The following MSRB3 variants were observed in gnomAD, a reference collection of about 807,000 sequenced individuals.
MSRB3 encodes the protein methionine sulfoxide reductase B3, also known as methionine-R-sulfoxide reductase B3.
MSRB3 carries 13 observed loss-of-function variants against 21.0 expected under a neutral mutation model. That is an observed-to-expected ratio of 0.62 (90% confidence interval 0.40 to 0.98). The LOEUF (loss-of-function observed/expected upper bound fraction) is 0.98, where lower values mean the gene tolerates loss of function less well. MSRB3 is among the 50% of genes least tolerant of loss of function. The pLI, the probability that MSRB3 is intolerant of heterozygous loss-of-function variation, is 0.00. For synonymous variants in MSRB3, 87 were observed against 88.6 expected (o/e 0.98, Z 0.10); for missense variants, 199 against 230.3 (o/e 0.86, Z 0.88).
intron 4 of MSRB3, among the ~76,000 whole-genome samples, chr12:65,367,134 G>A (rs143208121): frequency 1.3e-3 from 196 of 152,324 alleles, no homozygotes; most frequent in African/African-American, 4.5e-3. Context: ...TTCAAGGACC[G>A]AATATGTTGG....
chr12:65,296,753 G>A (rs1354984881), intron 1 of MSRB3, among the ~76,000 whole-genome samples: 2 of 152,176 alleles, frequency 1.3e-5, no homozygotes. Flanking sequence ...TTTTACAGAA[G>A]TGAAAGACCA....
At chr12:65,312,207 T>A (rs939704574) in intron 2 of MSRB3, among the ~76,000 whole-genome samples, 1 of 152,090 alleles carries the variant, frequency 6.6e-6, no homozygotes, top group Admixed American at 6.6e-5. Context: ...TTCTGTGATT[T>A]TATTAACTGT....
intron 2 of MSRB3, 174 bp downstream of exon 2, chr12:65,308,829 C>T (rs768902807): frequency 6.2e-6 from 5 of 801,378 alleles, no homozygotes; most frequent in Non-Finnish European, 8.2e-6. Flanking sequence ...ACATTCATTT[C>T]CACAATCCTT....
intron 4 of MSRB3, among the ~76,000 whole-genome samples, chr12:65,336,282 C>CAACT (rs1875756732): frequency 1.3e-5 from 2 of 152,142 alleles, no homozygotes; most frequent in South Asian, 4.1e-4. Context: ...AAGGAAAGAA[C>CAACT]AACTCCATTT....
At chr12:65,456,243 T>C (rs938073062) in intron 6 of MSRB3, among the ~76,000 whole-genome samples, 1 of 152,178 alleles carries the variant, frequency 6.6e-6, no homozygotes, top group Non-Finnish European at 1.5e-5. Context: ...TCGTTTTCAC[T>C]CAGAACCCAT....
intron 5 of MSRB3, among the ~76,000 whole-genome samples, chr12:65,433,597 A>G (rs1032630202): frequency 4.6e-5 from 7 of 151,804 alleles, no homozygotes; most frequent in Non-Finnish European, 8.8e-5. Flanking sequence ...TCTGAATTTC[A>G]TCACCCTCCT....
At position 65,379,255 on chromosome 12, in the gene MSRB3, GA is replaced by G. The variant is rs555979874; in HGVS notation, c.292+10230del. 8.6e-3 allele frequency among the ~76,000 whole-genome samples: 1,305 copies of G among 152,024 alleles called. 20 individuals carry two copies. The highest frequency in any genetic ancestry group is 0.03 in the African/African-American group (1,235 of 41,468). The stretch of plus-strand genomic sequence containing the variant: ...CATCTACCCATCCATCTATATAAAA[GA>G]TAGCCTTGCTGTTGGACCTGGACAA... On this transcript the variant is annotated intron_variant, in intron 5 of 6. Coordinates refer to ENST00000308259, the MANE Select transcript of MSRB3 (RefSeq NM_001031679.3).
chr12:65,332,292 GGTGTGTGT>G (rs369716664), intron 4 of MSRB3, among the ~76,000 whole-genome samples: 2 of 150,140 alleles, frequency 1.3e-5, no homozygotes, highest in Non-Finnish European at 3.0e-5. Context: ...AAACAATTGA[GGTGTGTGT>G]GTGTGTGTGT....
At chr12:65,457,279 G>A (rs1027068851) in intron 6 of MSRB3, among the ~76,000 whole-genome samples, 1 of 152,000 alleles carries the variant, frequency 6.6e-6, no homozygotes, top group East Asian at 1.9e-4. Context: ...GTGCAGGTTT[G>A]TTACATAGGT....
chr12:65,417,482 A>G (rs1881042471), intron 5 of MSRB3, among the ~76,000 whole-genome samples: 2 of 152,320 alleles, frequency 1.3e-5, no homozygotes, highest in Admixed American at 6.5e-5. Flanking sequence ...ATTACCTCAC[A>G]TATTTATTAT....
chr12:65,427,127 G>A (rs765656314), intron 5 of MSRB3, among the ~76,000 whole-genome samples: 18 of 152,092 alleles, frequency 1.2e-4, no homozygotes, highest in South Asian at 2.1e-4. Context: ...GTTGCCTTAT[G>A]TTAATCTTTG....
chr12:65,462,964 G>T (rs929622296), intron 6 of MSRB3, among the ~76,000 whole-genome samples, 191 bp from the exon 7 acceptor site: 1 of 152,136 alleles, frequency 6.6e-6, no homozygotes, highest in Non-Finnish European at 1.5e-5. Flanking sequence ...AGTGTTTTTT[G>T]TTCTCAGCAT....
At chr12:65,376,363 C>G (rs1227904686) in intron 5 of MSRB3, among the ~76,000 whole-genome samples, 2 of 152,142 alleles carry the variant, frequency 1.3e-5, no homozygotes, top group Non-Finnish European at 2.9e-5. Flanking sequence ...TCGTGATCCG[C>G]CCGCCTCGGC....
intron 5 of MSRB3, among the ~76,000 whole-genome samples, chr12:65,389,444 T>G (rs1244595056): frequency 1.3e-5 from 2 of 152,198 alleles, no homozygotes. Context: ...ATGTAAGAAC[T>G]CCTTACACAG....
At chr12:65,456,685 T>C (rs1156262827) in intron 6 of MSRB3, among the ~76,000 whole-genome samples, 1 of 152,232 alleles carries the variant, frequency 6.6e-6, no homozygotes, top group Admixed American at 6.5e-5. Context: ...AGTGTTTGAC[T>C]CTTTCTTAAA....
chr12:65,450,195 C>T (rs1189466703), intron 5 of MSRB3, among the ~76,000 whole-genome samples: 1 of 152,066 alleles, frequency 6.6e-6, no homozygotes, highest in East Asian at 1.9e-4. Context: ...ATCACTTTCT[C>T]TTATATTTGA....
intron 4 of MSRB3, among the ~76,000 whole-genome samples, chr12:65,337,377 C>T (rs1875845041): frequency 7.4e-6 from 1 of 136,048 alleles, no homozygotes; most frequent in Non-Finnish European, 1.5e-5. Flanking sequence ...GAGATGGCAG[C>T]GAGCCGAGAT....
At chr12:65,283,992 G>A (rs1872196114) in intron 1 of MSRB3, 1 of 152,208 alleles carries the variant, frequency 6.6e-6, no homozygotes, top group Admixed American at 6.5e-5. Context: ...GCAGGGGGAA[G>A]GAGAGGACAG....
chr12:65,333,940 T>C (rs1244497828), intron 4 of MSRB3, among the ~76,000 whole-genome samples: 1 of 152,142 alleles, frequency 6.6e-6, no homozygotes, highest in Admixed American at 6.5e-5. Context: ...GGTAATAGCG[T>C]GATGAAAATG....
Sources: allele counts gnomAD v4.1 joint callset (sites outside exome capture counted in the v4.1 genomes callset), GRCh38; gene constraint gnomAD v4.1.1; transcripts MANE v1.5; gene names NCBI Gene and HGNC (gene_info 2026-07-23, HGNC 2026-07-21).